The following GLDC variants were observed in gnomAD, a reference collection of about 807,000 sequenced individuals.
GLDC encodes the protein glycine dehydrogenase (decarboxylating), mitochondrial.
Under a neutral mutation model 121.3 loss-of-function variants are expected in GLDC, and 104 were observed. That is an observed-to-expected ratio of 0.86 (90% confidence interval 0.73 to 1.01). GLDC has a LOEUF of 1.01. Ranked by LOEUF, GLDC falls within the 50% of genes least tolerant of loss-of-function variation. The probability of loss-of-function intolerance (pLI) is 0.00; values close to 1 mark genes in which losing one functional copy is unlikely to be tolerated. For synonymous variants in GLDC, 546 were observed against 480.6 expected, an observed-to-expected ratio of 1.14 and a Z score of -1.78; for missense variants, 1,429 against 1,306.6, an observed-to-expected ratio of 1.09 and a Z score of -1.44.
intron 15 of GLDC, among the ~76,000 whole-genome samples, chr9:6,585,429 A>G (rs968432212): frequency 6.6e-6 from 1 of 152,246 alleles, no homozygotes; most frequent in African/African-American, 2.4e-5. Flanking sequence ...TAAGTAATGA[A>G]GTTCTAAAGA....
At chr9:6,643,042 C>A (rs1049726018) in intron 2 of GLDC, among the ~76,000 whole-genome samples, 1 of 151,924 alleles carries the variant, frequency 6.6e-6, no homozygotes, top group African/African-American at 2.4e-5. Context: ...GGATTACAGG[C>A]GCACACCACC....
Position 6,604,703 on chromosome 9 carries a change from C to T in GLDC, c.943G>A (p.Gly315Ser), listed in dbSNP as rs1292183482. The part of the protein sequence containing the change: ...PGEFGVDIAL[G>S]SSQRFGVPLG... ...GGCACTCCAAATCTCTGGGAGCTGC[C>T]CAGGGCGATGTCTACCCCAAATTCT... The change falls in exon 7 of 25, where the codon GGC (glycine) becomes AGC (serine). Residue 315 changes from glycine (G) to serine (S), a missense_variant. Transcript: ENST00000321612. 1 of 1,613,930 alleles carries T rather than the reference C, an allele frequency of 6.2e-7. No homozygotes were observed. Among genetic ancestry groups the T allele is most frequent in the African/African-American group, 1.3e-5 (1 of 74,880 alleles).
At chr9:6,576,875 T>G (rs1322489793) in intron 15 of GLDC, among the ~76,000 whole-genome samples, 1 of 152,208 alleles carries the variant, frequency 6.6e-6, no homozygotes, top group Non-Finnish European at 1.5e-5. Flanking sequence ...CTGAATTAAA[T>G]CTCATTCACT....
At chr9:6,588,592 T>A in intron 13 of GLDC, 26 bp downstream of exon 13, 1 of 1,570,474 alleles carries the variant, frequency 6.4e-7, no homozygotes, top group Non-Finnish European at 8.8e-7. Flanking sequence ...AGCTTGGAAA[T>A]GAGAAAAAAG....
rs762425284 is a variant in GLDC, at chr9:6,558,598, A to C, written c.2013T>G (p.Asp671Glu). 1.1e-5 allele frequency: 17 copies of C among 1,614,084 alleles called. No homozygotes were observed. Among genetic ancestry groups the C allele is most frequent in the Non-Finnish European group, 1.3e-5 (15 of 1,180,028 alleles). Residue 671 changes from aspartate to glutamate, a missense_variant, in exon 17 of 25, where the codon GAT becomes GAG. Asp to Glu is a conservative substitution (Grantham distance 45). Coordinates refer to ENST00000321612, the MANE Select transcript of GLDC (RefSeq NM_000170.3). ...AGMKIQPVEV[D>E]KYGNIDAVHL... ...GAACTGCATCGATATTCCCATATTTATCCACCTCCACAGGCTGAATCTTCA... is the reference window on the plus strand; with the variant it reads ...GAACTGCATCGATATTCCCATATTTCTCCACCTCCACAGGCTGAATCTTCA...
intron 21 of GLDC, among the ~76,000 whole-genome samples, chr9:6,546,511 A>T (rs1817392553): frequency 6.6e-6 from 1 of 151,496 alleles, no homozygotes; most frequent in Non-Finnish European, 1.5e-5. Context: ...CACCTCCGAC[A>T]TCTTGTCCTC....
Position 6,641,361 on chromosome 9 carries a change from G to T in GLDC, c.334+3253C>A, listed in dbSNP as rs1819625594. 2.0e-5 allele frequency among the ~76,000 whole-genome samples: 3 copies of T among 152,220 alleles called. No individual in the cohort carries two copies. In the South Asian group the frequency reaches 6.2e-4, roughly 31 times the overall value. ...AAGCTGCTGCGTTTCCACTGGGGCA[G>T]TTGGCATATGGCAGGGTGATTCTAG... On this transcript the variant is annotated intron_variant, in intron 2 of 24. Coordinates refer to ENST00000321612, the MANE Select transcript of GLDC (RefSeq NM_000170.3).
At chr9:6,571,382 G>C (rs1164348614) in intron 15 of GLDC, among the ~76,000 whole-genome samples, 1 of 152,116 alleles carries the variant, frequency 6.6e-6, no homozygotes, top group Non-Finnish European at 1.5e-5. Flanking sequence ...CACAGTTACA[G>C]ATTAACAACA....
At position 6,645,231 on chromosome 9, in the gene GLDC, G is replaced by T; in HGVS notation, c.255+14C>A. ...CGGAGGGGAGGCCGCGGAGGGCCGG[G>T]TGGAGGTCCTTACCGCCAGCCCCAA... On this transcript the variant is annotated intron_variant, in intron 1 of 24. Transcript: ENST00000321612. The T allele has an allele frequency of 6.3e-7, 1 of 1,580,220 alleles. No homozygotes were observed. The highest frequency in any genetic ancestry group is 8.6e-7 in the Non-Finnish European group (1 of 1,163,230).
At chr9:6,638,650 T>G (rs1054647706) in intron 2 of GLDC, among the ~76,000 whole-genome samples, 2 of 152,200 alleles carry the variant, frequency 1.3e-5, no homozygotes, top group African/African-American at 4.8e-5. Flanking sequence ...TTTAACTGTC[T>G]GTCTGATCTA....
intron 15 of GLDC, among the ~76,000 whole-genome samples, chr9:6,584,456 G>A (rs1057089594): frequency 6.6e-6 from 1 of 152,150 alleles, no homozygotes; most frequent in Non-Finnish European, 1.5e-5. Flanking sequence ...AAGCCCTGTT[G>A]TAGACACAGA....
chr9:6,571,494 C>G (rs1462050838), intron 15 of GLDC, among the ~76,000 whole-genome samples: 1 of 152,174 alleles, frequency 6.6e-6, no homozygotes, highest in Non-Finnish European at 1.5e-5. Flanking sequence ...TGCAATGAGA[C>G]ATTGCAGTGA....
intron 15 of GLDC, among the ~76,000 whole-genome samples, chr9:6,578,225 TCCTC>T (rs1563844862): frequency 4.0e-5 from 6 of 151,402 alleles, no homozygotes. Flanking sequence ...GTGTAAGTGA[TCCTC>T]CCACTTCAGC....
Position 6,640,506 on chromosome 9 carries a change from C to T in GLDC, c.334+4108G>A, listed in dbSNP as rs189099939. Reference sequence around the variant, plus strand: ...GCAGCTGCATTACACAATGCTCCCTCCCTCCGCTCACTGCCCTCCATTAAC... The same window carrying T: ...GCAGCTGCATTACACAATGCTCCCTTCCTCCGCTCACTGCCCTCCATTAAC... On this transcript the variant is annotated intron_variant, in intron 2 of 24. Coordinates refer to ENST00000321612, the MANE Select transcript of GLDC (RefSeq NM_000170.3). Among the ~76,000 whole-genome samples the T allele has an allele frequency of 1.8e-3, 274 of 152,344 alleles. 1 individual carries two copies. In the Middle Eastern group the frequency reaches 0.027, roughly 15 times the overall value.
intron 4 of GLDC, among the ~76,000 whole-genome samples, chr9:6,608,245 C>G (rs1818775982): frequency 6.8e-6 from 1 of 146,412 alleles, no homozygotes; most frequent in Non-Finnish European, 1.5e-5. Flanking sequence ...AACCCCATCT[C>G]TACTAAAAAT....
chr9:6,536,328 C>T, intron 22 of GLDC, 92 bp from the exon 23 acceptor site: 7 of 1,070,672 alleles, frequency 6.5e-6, no homozygotes, highest in Non-Finnish European at 9.9e-6. Flanking sequence ...ATATTTTATC[C>T]TAAGAAAATC....
chr9:6,577,173 C>G (rs548732659), intron 15 of GLDC, among the ~76,000 whole-genome samples: 1 of 152,248 alleles, frequency 6.6e-6, no homozygotes. Flanking sequence ...CAGCGCCACA[C>G]GCAGAGAAAT....
At chr9:6,628,513 G>A (rs1015040143) in intron 2 of GLDC, among the ~76,000 whole-genome samples, 2 of 152,226 alleles carry the variant, frequency 1.3e-5, no homozygotes, top group African/African-American at 4.8e-5. Flanking sequence ...TTGAAGGCTG[G>A]GGGCAGTGGC....
intron 23 of GLDC, among the ~76,000 whole-genome samples, chr9:6,535,500 C>T (rs4742211): frequency 0.85 from 128,571 of 151,840 alleles, 55,016 homozygotes; most frequent in East Asian, 1. Flanking sequence ...CTCTGGCTTA[C>T]AGCCATGAAG....
Sources: allele counts gnomAD v4.1 joint callset (sites outside exome capture counted in the v4.1 genomes callset), GRCh38; gene constraint gnomAD v4.1.1; transcripts MANE v1.5; gene names NCBI Gene and HGNC (gene_info 2026-07-23, HGNC 2026-07-21).